Variants in SLC7A11 observed in about 807,000 individuals in gnomAD.
SLC7A11 encodes the protein solute carrier family 7 member 11.
SLC7A11 carries 35 observed loss-of-function variants against 54.5 expected under a neutral mutation model. The observed-to-expected ratio is 0.64, with a 90% CI of 0.49 to 0.85. The LOEUF is 0.85. Among genes scored for constraint, SLC7A11 ranks in the 40% least tolerant of loss-of-function variants. The pLI is 0.00. For synonymous variants in SLC7A11, 230 were observed against 225.2 expected (o/e 1.02, Z -0.19); for missense variants, 583 against 618.1 (o/e 0.94, Z 0.60).
At chr4:138,183,944 C>T (rs190911547) in intron 7 of SLC7A11, among the ~76,000 whole-genome samples, 31 of 152,080 alleles carry the variant, frequency 2.0e-4, no homozygotes, top group African/African-American at 5.1e-4. Context: ...AATATAAGTC[C>T]GATAAGCCAC....
In SLC7A11 at chr4:138,239,797, T is replaced by C. The variant is rs1738334426; in HGVS notation, c.277+1996A>G. ...TCATACTGATCTATTTTATTACATC[T>C]GAATAATCTTTTATTATGTGCAAAA... On this transcript the variant is annotated intron_variant, in intron 1 of 11. Transcript: ENST00000280612. 2.0e-5 allele frequency among the ~76,000 whole-genome samples: 3 copies of C among 152,250 alleles called. No individual in the cohort carries two copies. In the South Asian group the frequency reaches 6.2e-4, roughly 31 times the overall value.
At chr4:138,180,380 C>T (rs1421033495) in intron 10 of SLC7A11, among the ~76,000 whole-genome samples, 1 of 152,082 alleles carries the variant, frequency 6.6e-6, no homozygotes, top group African/African-American at 2.4e-5. Flanking sequence ...GAAAAATCAA[C>T]ATACCAAACA....
chr4:138,182,527 C>T, intron 8 of SLC7A11, 134 bp from the exon 9 acceptor site: 1 of 602,694 alleles, frequency 1.7e-6, no homozygotes, highest in East Asian at 2.8e-5. Flanking sequence ...TGCCTAAGTT[C>T]ACTTTTCAAA....
chr4:138,177,895 C>T (rs954842719), intron 11 of SLC7A11: 2 of 152,120 alleles, frequency 1.3e-5, no homozygotes, highest in African/African-American at 4.8e-5. Context: ...TCTTCAGAAT[C>T]CCCCTCAATT....
At chr4:138,234,822 G>A (rs1200962235) in intron 2 of SLC7A11, among the ~76,000 whole-genome samples, 2 of 152,180 alleles carry the variant, frequency 1.3e-5, no homozygotes, top group African/African-American at 4.8e-5. Flanking sequence ...ACGGAGTCAA[G>A]TCCAACTGTA....
chr4:138,188,208 A>G (rs1026829575), intron 6 of SLC7A11, among the ~76,000 whole-genome samples: 13 of 152,050 alleles, frequency 8.5e-5, no homozygotes, highest in Non-Finnish European at 1.6e-4. Flanking sequence ...GATTATAGGC[A>G]CCCATCACTA....
At chr4:138,240,348 C>T (rs1045918222) in intron 1 of SLC7A11, among the ~76,000 whole-genome samples, 12 of 151,886 alleles carry the variant, frequency 7.9e-5, no homozygotes, top group African/African-American at 1.9e-4. Context: ...GGGTGGATCA[C>T]GAGGTCAGGA....
chr4:138,219,219 G>T, intron 5 of SLC7A11, 47 bp downstream of exon 5: 1 of 1,052,114 alleles, frequency 9.5e-7, no homozygotes, highest in Non-Finnish European at 1.5e-6. Context: ...GTGCATAATG[G>T]GATTAATGAA....
chr4:138,175,456 G>T (rs773466414), intron 11 of SLC7A11, among the ~76,000 whole-genome samples: 20 of 152,128 alleles, frequency 1.3e-4, no homozygotes, highest in Non-Finnish European at 1.9e-4. Context: ...GCCCAGGTTT[G>T]CCAGGTCTTG....
intron 4 of SLC7A11, among the ~76,000 whole-genome samples, chr4:138,220,190 G>A (rs868677124): frequency 1.2e-4 from 18 of 151,820 alleles, no homozygotes; most frequent in South Asian, 1.0e-3. Context: ...CGCCCGCCTC[G>A]GCCTCCCAAA....
chr4:138,237,732 T>TAC (rs1738264823), intron 1 of SLC7A11, among the ~76,000 whole-genome samples: 3 of 13,432 alleles, frequency 2.2e-4, no homozygotes, highest in Admixed American at 1.3e-3. Context: ...TATATATATA[T>TAC]ATATATTTTT....
At chr4:138,237,789 C>T (rs1344664767) in intron 1 of SLC7A11, among the ~76,000 whole-genome samples, 3 of 108,864 alleles carry the variant, frequency 2.8e-5, no homozygotes, top group East Asian at 3.0e-4. Context: ...CTCACTCTGT[C>T]CCCCCAGGCT....
At chr4:138,195,051 C>A (rs1352979724) in intron 6 of SLC7A11, among the ~76,000 whole-genome samples, 1 of 152,176 alleles carries the variant, frequency 6.6e-6, no homozygotes, top group African/African-American at 2.4e-5. Context: ...AGATGTGATT[C>A]TGTCCTCAAG....
intron 3 of SLC7A11, among the ~76,000 whole-genome samples, chr4:138,224,906 T>C (rs1444812900): frequency 2.0e-5 from 3 of 151,818 alleles, no homozygotes; most frequent in Non-Finnish European, 4.4e-5. Context: ...ACAGCAGGTG[T>C]TTATAAGTGA....
intron 6 of SLC7A11, among the ~76,000 whole-genome samples, chr4:138,192,677 T>A (rs1737039575): frequency 1.3e-5 from 2 of 152,112 alleles, no homozygotes; most frequent in African/African-American, 4.8e-5. Context: ...GACAAGCATA[T>A]GATATAAAAT....
chr4:138,201,814 T>C (rs2148428277), intron 6 of SLC7A11, among the ~76,000 whole-genome samples: 1 of 152,260 alleles, frequency 6.6e-6, no homozygotes, highest in Middle Eastern at 3.4e-3. Flanking sequence ...AGCCATAAAT[T>C]ATATCTAATT....
At chr4:138,221,804 A>G (rs1413157706) in intron 4 of SLC7A11, among the ~76,000 whole-genome samples, 1 of 152,216 alleles carries the variant, frequency 6.6e-6, no homozygotes, top group East Asian at 1.9e-4. Context: ...TACACCAAAA[A>G]GAAGAAGAAA....
At chr4:138,200,650 T>C (rs1737254908) in intron 6 of SLC7A11, among the ~76,000 whole-genome samples, 1 of 152,264 alleles carries the variant, frequency 6.6e-6, no homozygotes, top group Non-Finnish European at 1.5e-5. Context: ...CTTATAAATA[T>C]AGACAAATTA....
intron 1 of SLC7A11, among the ~76,000 whole-genome samples, chr4:138,240,515 C>T (rs920532430): frequency 1.4e-5 from 2 of 144,288 alleles, no homozygotes; most frequent in Non-Finnish European, 1.5e-5. Flanking sequence ...TGCAGTGAGC[C>T]GAGATCACAC....
Sources: allele counts gnomAD v4.1 joint callset (sites outside exome capture counted in the v4.1 genomes callset), GRCh38; gene constraint gnomAD v4.1.1; transcripts MANE v1.5; gene names NCBI Gene and HGNC (gene_info 2026-07-23, HGNC 2026-07-21).